TM9SF1: variants seen among roughly 807,000 people sequenced by gnomAD.
TM9SF1 encodes the protein transmembrane 9 superfamily member 1, also known as MP70 protein family member.
TM9SF1 carries 25 observed loss-of-function variants against 52.4 expected under a neutral mutation model. The observed-to-expected ratio is 0.48, with a 90% confidence interval of 0.35 to 0.67. The LOEUF is 0.67. Ranked by LOEUF, TM9SF1 falls within the 30% of genes least tolerant of loss-of-function variation. The pLI is 0.01. For synonymous variants in TM9SF1, 284 were observed against 299.8 expected (o/e 0.95, Z 0.55); for missense variants, 604 against 780.3 (o/e 0.77, Z 2.69).
Position 24,192,483 on chromosome 14 carries a change from A to G in TM9SF1, c.968-127T>C, listed in dbSNP as rs66471337. 11,401 of 1,375,474 alleles carry G rather than the reference A, an allele frequency of 8.3e-3. 781 individuals carry two copies. The African/African-American group carries it at 0.15, about 18-fold the overall frequency. 85.2% of individuals were successfully genotyped at this position (1,375,474 alleles called of 1,614,324 possible). ...CAAAACAATCTCCCCCAGTTTTGCT[A>G]TCCAGAAAATCTACAATAGAATACG... On this transcript the variant is annotated intron_variant, in intron 3 of 5. Transcript: ENST00000261789. This position sits in a 1 kb window ranked among gnomAD's most constrained non-coding sequence, Gnocchi z 4.0.
At chr14:24,193,358 T>A in intron 2 of TM9SF1, 89 bp from the exon 3 acceptor site, 1 of 1,409,510 alleles carries the variant, frequency 7.1e-7, no homozygotes. Flanking sequence ...ACTACTGATA[T>A]TTTGGGGTGG....
intron 5 of TM9SF1, 53 bp from the exon 6 acceptor site, chr14:24,189,861 C>A: frequency 6.6e-7 from 1 of 1,523,956 alleles, no homozygotes; most frequent in Admixed American, 2.1e-5. Context: ...ACCATCAGCA[C>A]AGTGGCTGGG....
rs1219257167 is a variant in TM9SF1, at chr14:24,192,369, A to G, written c.968-13T>C. The G allele has an allele frequency of 1.9e-6, 3 of 1,608,662 alleles. No individual in the cohort carries two copies. Among genetic ancestry groups the G allele is most frequent in the Non-Finnish European group, 2.6e-6 (3 of 1,176,472 alleles). The stretch of plus-strand genomic sequence containing the variant: ...ATGACAATAATGCCTGCAGGACGGT[A>G]GCGGAAAGCCCAAGTTAGGCCTCAC... On this transcript the variant is annotated splice_polypyrimidine_tract_variant and intron_variant, in intron 3 of 5. Transcript: ENST00000261789. The surrounding 1 kb of genome is among the most constrained non-coding windows in gnomAD (Gnocchi z 4.0).
rs757773223 is a variant in TM9SF1, at chr14:24,192,291, C to G, written c.1033G>C (p.Ala345Pro). The change falls in exon 4 of 6, where the codon GCC becomes CCC. Residue 345 changes from alanine (A) to proline (P), a missense_variant. Ala to Pro is a conservative substitution (Grantham distance 27). Coordinates refer to ENST00000261789, the MANE Select transcript of TM9SF1 (RefSeq NM_006405.7). The surrounding 1 kb of genome is among the most constrained non-coding windows in gnomAD (Gnocchi z 4.0). ...CAGGTCAGGGCATACAACAAGATGG[C>G]TGCTGAGTTAATGGCCCCATGACGG... ...VHRHGAINSAAILLYALTCCI... is the reference protein window; with the variant it reads ...VHRHGAINSAPILLYALTCCI... 7 of 1,614,062 alleles carry G rather than the reference C, an allele frequency of 4.3e-6. No individual in the cohort carries two copies. The highest frequency in any genetic ancestry group is 5.9e-6 in the Non-Finnish European group (7 of 1,180,048).
Position 24,192,876 on chromosome 14 carries a change from A to C in TM9SF1, c.739T>G (p.Phe247Val). The change falls in exon 3 of 6, where the codon TTT becomes GTT. Residue 247 changes from phenylalanine (F) to valine (V), a missense_variant. Transcript: ENST00000261789. This position sits in a 1 kb window ranked among gnomAD's most constrained non-coding sequence, Gnocchi z 4.0. The stretch of plus-strand genomic sequence containing the variant: ...ACAGCCACAAAACCCACCAGTAAAA[A>C]CACAAGCACCATGGAGTTGATGATG... ...LSIINSMVLV[F>V]LLVGFVAVIL... is the part of the protein sequence containing the mutation. 6.2e-7 allele frequency: 1 copy of C among 1,613,996 alleles called. No homozygotes were observed.
intron 1 of TM9SF1, 75 bp from the exon 2 acceptor site, chr14:24,195,111 G>A: frequency 9.5e-7 from 1 of 1,051,782 alleles, no homozygotes; most frequent in Admixed American, 2.2e-5. Flanking sequence ...TCGAACTGAG[G>A]TCCCCTGGCT....
intron 1 of TM9SF1, 48 bp downstream of exon 1, chr14:24,195,298 C>G (rs2234102): frequency 1.6e-5 from 7 of 432,822 alleles, no homozygotes; most frequent in Non-Finnish European, 4.2e-6. Flanking sequence ...CAACGCCGCT[C>G]GGTCTCGCAC....
intron 4 of TM9SF1, among the ~76,000 whole-genome samples, chr14:24,190,880 G>A (rs1191272946): frequency 8.1e-5 from 2 of 24,670 alleles, no homozygotes; most frequent in Admixed American, 7.6e-4. Context: ...TTTTTTTTTT[G>A]AGACAGAGTC....
intron 5 of TM9SF1, 83 bp downstream of exon 5, chr14:24,190,297 G>T: frequency 6.6e-7 from 1 of 1,517,746 alleles, no homozygotes; most frequent in South Asian, 1.3e-5. Flanking sequence ...CAACGGGTTG[G>T]GTTAGGGTAC....
At chr14:24,193,642 C>T (rs1406137522) in intron 2 of TM9SF1, among the ~76,000 whole-genome samples, 4 of 145,710 alleles carry the variant, frequency 2.7e-5, no homozygotes, top group Non-Finnish European at 6.0e-5. Context: ...TGGGATTGGT[C>T]GGGTGCGGAG....
intron 2 of TM9SF1, among the ~76,000 whole-genome samples, chr14:24,194,298 AG>A (rs1385781547): frequency 6.6e-6 from 1 of 152,206 alleles, no homozygotes; most frequent in African/African-American, 2.4e-5. Flanking sequence ...AAAGCATGAC[AG>A]GGAAGTTTAG....
intron 2 of TM9SF1, among the ~76,000 whole-genome samples, chr14:24,193,868 C>T (rs1449070457): frequency 6.6e-6 from 1 of 150,580 alleles, no homozygotes; most frequent in Non-Finnish European, 1.5e-5. Context: ...TGCAGTGAGC[C>T]GAGATTGCGC....
intron 2 of TM9SF1, 58 bp from the exon 3 acceptor site, chr14:24,193,327 G>A: frequency 6.6e-7 from 1 of 1,523,502 alleles, no homozygotes; most frequent in South Asian, 1.3e-5. Flanking sequence ...CAGAGTTACA[G>A]CAAAGTTTCT....
intron 4 of TM9SF1, among the ~76,000 whole-genome samples, chr14:24,190,924 C>T (rs550726808): frequency 8.2e-4 from 113 of 136,972 alleles, no homozygotes; most frequent in Non-Finnish European, 1.4e-3. Context: ...TGCAGTGGCG[C>T]GATCTCTGCT....
Position 24,194,954 on chromosome 14 carries a change from C to T in TM9SF1, c.66G>A (p.Leu22=), listed in dbSNP as rs757222515. The part of the protein sequence containing the change: ...CQWLPILILL[L]GTGHGPGVEG... ...CCACCCCTGGCCCATGGCCTGTGCCCAGCAACAGTATCAGGATTGGCAACC... is the reference window on the plus strand; with the variant it reads ...CCACCCCTGGCCCATGGCCTGTGCCTAGCAACAGTATCAGGATTGGCAACC... The change falls in exon 2 of 6, where the codon CTG becomes CTA. Residue 22 remains leucine, a synonymous_variant. Coordinates refer to ENST00000261789, the MANE Select transcript of TM9SF1 (RefSeq NM_006405.7). 2 of 1,614,196 alleles carry T rather than the reference C, an allele frequency of 1.2e-6. No homozygotes were observed. The highest frequency in any genetic ancestry group is 1.7e-6 in the Non-Finnish European group (2 of 1,180,044).
At position 24,192,372 on chromosome 14, in the gene TM9SF1, G is replaced by A. The variant is rs200912771; in HGVS notation, c.968-16C>T. On this transcript the variant is annotated splice_polypyrimidine_tract_variant and intron_variant, in intron 3 of 5. Transcript: ENST00000261789. The surrounding 1 kb of genome is among the most constrained non-coding windows in gnomAD (Gnocchi z 4.0). ...ACAATAATGCCTGCAGGACGGTAGC[G>A]GAAAGCCCAAGTTAGGCCTCACCTG... 1.5e-3 allele frequency: 2,336 copies of A among 1,607,448 alleles called. 13 individuals carry two copies. Among genetic ancestry groups the A allele is most frequent in the Non-Finnish European group, 1.6e-3 (1,908 of 1,175,668 alleles).
At chr14:24,195,068 C>G in intron 1 of TM9SF1, 32 bp from the exon 2 acceptor site, 1 of 1,545,870 alleles carries the variant, frequency 6.5e-7, no homozygotes, top group Non-Finnish European at 8.8e-7. Flanking sequence ...TTATAGAAAC[C>G]AGGGAGGTTA....
Position 24,192,233 on chromosome 14 carries a change from T to C in TM9SF1, c.1091A>G (p.Tyr364Cys). Reference protein sequence around the residue: ...CISGYVSSHFYRQIGGERWVW... With the variant: ...CISGYVSSHFCRQIGGERWVW... ...CCAACGCTCGCCTCCAATCTGCCGG[T>C]AGAAGTGGCTGGACACGTAGCCAGA... is the stretch of plus-strand genomic sequence containing the variant. Residue 364 changes from tyrosine to cysteine, a missense_variant, in exon 4 of 6, where the codon TAC becomes TGC. Tyr to Cys is a radical substitution (Grantham distance 194, BLOSUM62 -2). Coordinates refer to ENST00000261789, the MANE Select transcript of TM9SF1 (RefSeq NM_006405.7). This position sits in a 1 kb window ranked among gnomAD's most constrained non-coding sequence, Gnocchi z 4.0. 1 of 1,614,128 alleles carries C rather than the reference T, an allele frequency of 6.2e-7. No homozygotes were observed. The highest frequency in any genetic ancestry group is 1.7e-5 in the Admixed American group (1 of 60,020).
At chr14:24,189,872 C>G (rs1594447898) in intron 5 of TM9SF1, 64 bp from the exon 6 acceptor site, 1 of 1,511,464 alleles carries the variant, frequency 6.6e-7, no homozygotes, top group Non-Finnish European at 8.9e-7. Flanking sequence ...AGTGGCTGGG[C>G]TGAAATCCAG....
Sources: gnomAD v4.1 joint callset for allele counts (sites outside exome capture counted in the v4.1 genomes callset) on GRCh38, gnomAD v4.1.1 for gene constraint, Gnocchi (gnomAD v3.1) non-coding constraint, MANE v1.5 for transcripts, NCBI Gene and HGNC (gene_info 2026-07-23, HGNC 2026-07-21) for gene names.